IGF2BP1: variants seen among roughly 807,000 people sequenced by gnomAD.
The protein encoded by IGF2BP1 is insulin like growth factor 2 mRNA binding protein 1.
In IGF2BP1, 11 loss-of-function variants were observed where a neutral mutation model predicts 74.9. That is an observed-to-expected ratio of 0.15 (90% CI 0.09 to 0.24). The LOEUF is 0.24. Ranked by LOEUF, IGF2BP1 falls within the 10% of genes least tolerant of loss-of-function variation. IGF2BP1 has a pLI of 1.00. For missense variants in IGF2BP1, 440 were observed against 757.4 expected (o/e 0.58, Z 4.92); for synonymous variants, 287 against 281.8 (o/e 1.02, Z -0.18).
In IGF2BP1 at chr17:49,024,927, C is replaced by T. The variant is rs182253793; in HGVS notation, c.237-691C>T. On this transcript the variant is annotated intron_variant, in intron 2 of 14. Transcript: ENST00000290341. ...ATGTCTTGGGCCGGGTGTTGTGGCT[C>T]ATGCCTGTAATCCCTGCATTTTGGG... Among the ~76,000 whole-genome samples the T allele has an allele frequency of 1.6e-3, 237 of 152,304 alleles. 2 individuals carry two copies. Among genetic ancestry groups the T allele is most frequent in the African/African-American group, 5.5e-3 (228 of 41,570 alleles).
In IGF2BP1 at chr17:49,014,916, T is replaced by C; in HGVS notation, c.237-10702T>C. ...GCTCCTGAGAGGGCCACCTCGGCTG[T>C]TCCCTCTGGAGGACAGAGCCCGACT... On this transcript the variant is annotated intron_variant, in intron 2 of 14. Transcript: ENST00000290341. 3 of 985,304 alleles carry C rather than the reference T, an allele frequency of 3.0e-6. No homozygotes were observed. In the African/African-American group the frequency reaches 5.2e-5, roughly 17 times the overall value. The allele number at this position is 985,304 out of a possible 1,614,324, so 61.0% of individuals were successfully genotyped here. A position where few individuals can be genotyped will look rare whatever the true frequency, so the allele number is the denominator to read the frequency against.
intron 14 of IGF2BP1, 133 bp downstream of exon 14, chr17:49,046,506 C>T: frequency 1.6e-6 from 1 of 643,418 alleles, no homozygotes; most frequent in South Asian, 1.9e-5. Flanking sequence ...TGCCTCTAGG[C>T]TAGGTTATTG....
In IGF2BP1 at chr17:49,052,973, G is replaced by A. The variant is rs2042184644; in HGVS notation, c.*3529G>A. ...TGCATCTGCCAGTTACACCCCAAATGGCTTTAATCCCCTCTCGGGTCTGGT... is the reference window on the plus strand; with the variant it reads ...TGCATCTGCCAGTTACACCCCAAATAGCTTTAATCCCCTCTCGGGTCTGGT... On this transcript the variant is annotated 3_prime_UTR_variant, in exon 15 of 15. Coordinates refer to ENST00000290341, the MANE Select transcript of IGF2BP1 (RefSeq NM_006546.4). The A allele has an allele frequency of 6.6e-6, 1 of 152,220 alleles. No homozygotes were observed. The highest frequency in any genetic ancestry group is 2.4e-5 in the African/African-American group (1 of 41,444). 9.4% of individuals were successfully genotyped at this position (152,220 alleles called of 1,614,324 possible).
At chr17:49,007,462 C>G (rs1227235130) in intron 2 of IGF2BP1, among the ~76,000 whole-genome samples, 1 of 152,242 alleles carries the variant, frequency 6.6e-6, no homozygotes, top group Non-Finnish European at 1.5e-5. Context: ...CATACACACA[C>G]GTCCATAGCC....
chr17:49,044,129 G>T, intron 11 of IGF2BP1, 43 bp downstream of exon 11: 1 of 1,606,034 alleles, frequency 6.2e-7, no homozygotes. Context: ...AAAGGGAGGG[G>T]TCTCTGCTTT....
rs1567832654 is a variant in IGF2BP1, at chr17:49,053,253, G to C, written c.*3809G>C. On this transcript the variant is annotated 3_prime_UTR_variant, in exon 15 of 15. Transcript: ENST00000290341. Reference sequence around the variant, plus strand: ...AACACTGGAGGGGGATGCTCTAGTTGGTTCTGTGTCCATTTTCCTCTGTGC... The same window carrying C: ...AACACTGGAGGGGGATGCTCTAGTTCGTTCTGTGTCCATTTTCCTCTGTGC... 1 of 152,626 alleles carries C rather than the reference G, an allele frequency of 6.6e-6. No individual in the cohort carries two copies. Among genetic ancestry groups the C allele is most frequent in the East Asian group, 1.9e-4 (1 of 5,184 alleles). The allele number at this position is 152,626 out of a possible 1,614,324, so 9.5% of individuals were successfully genotyped here.
intron 2 of IGF2BP1, among the ~76,000 whole-genome samples, chr17:49,000,871 C>T (rs1389013461): frequency 6.6e-6 from 1 of 151,492 alleles, no homozygotes; most frequent in East Asian, 1.9e-4. Flanking sequence ...GCCCTTTTTC[C>T]CTCCAAAATG....
At chr17:48,999,846 G>C (rs1325659643) in intron 2 of IGF2BP1, among the ~76,000 whole-genome samples, 1 of 151,648 alleles carries the variant, frequency 6.6e-6, no homozygotes. Context: ...GTTACCAGGG[G>C]ACCATCTGGG....
At chr17:49,031,748 C>T (rs1359444606) in intron 4 of IGF2BP1, among the ~76,000 whole-genome samples, 162 bp from the exon 5 acceptor site, 18 of 152,032 alleles carry the variant, frequency 1.2e-4, no homozygotes, top group East Asian at 7.7e-4. Flanking sequence ...GTGATCCGCC[C>T]GCCTCGCCCT....
intron 4 of IGF2BP1, among the ~76,000 whole-genome samples, chr17:49,027,945 C>T (rs1448032810): frequency 6.7e-6 from 1 of 149,154 alleles, no homozygotes; most frequent in African/African-American, 2.5e-5. Flanking sequence ...CCAAGGTGGG[C>T]AGATCTCTTG....
intron 2 of IGF2BP1, among the ~76,000 whole-genome samples, chr17:49,006,621 A>G (rs559190559): frequency 6.6e-6 from 1 of 152,294 alleles, no homozygotes; most frequent in South Asian, 2.1e-4. Flanking sequence ...GAACTGATCA[A>G]GTGTACAGAT....
chr17:49,040,586 CGTGCCTGCATGTACGGATATGT>C (rs2042040177), intron 7 of IGF2BP1, among the ~76,000 whole-genome samples: 2 of 152,318 alleles, frequency 1.3e-5, no homozygotes, highest in African/African-American at 4.8e-5. Context: ...ATTGTGTCTG[CGTGCCTGCATGTACGGATATGT>C]GTGCCTGTGT....
Position 49,045,078 on chromosome 17 carries a change from ATTG to A in IGF2BP1, c.1395+16_1395+18del, listed in dbSNP as rs1369795919. On this transcript the variant is annotated intron_variant, in intron 12 of 14. Transcript: ENST00000290341. ...GGCCCAATTCAAGGTTTTGGTCTTT[ATTG>A]TTTTCCAAGCTGAACATGGAGGAAT... 6.2e-7 allele frequency: 1 copy of A among 1,610,826 alleles called. No homozygotes were observed. The highest frequency in any genetic ancestry group is 8.5e-7 in the Non-Finnish European group (1 of 1,177,146).
rs2042188442 is a variant in IGF2BP1, at chr17:49,053,265, A to G, written c.*3821A>G. 6.6e-6 allele frequency: 1 copy of G among 152,582 alleles called. No homozygotes were observed. Among genetic ancestry groups the G allele is most frequent in the African/African-American group, 2.4e-5 (1 of 41,394 alleles). 9.5% of individuals were successfully genotyped at this position (152,582 alleles called of 1,614,324 possible). On this transcript the variant is annotated 3_prime_UTR_variant, in exon 15 of 15. Coordinates refer to ENST00000290341, the MANE Select transcript of IGF2BP1 (RefSeq NM_006546.4). ...GGATGCTCTAGTTGGTTCTGTGTCC[A>G]TTTTCCTCTGTGCCAAAGACAGACA...
At chr17:49,024,657 C>G (rs1456316460) in intron 2 of IGF2BP1, among the ~76,000 whole-genome samples, 1 of 152,182 alleles carries the variant, frequency 6.6e-6, no homozygotes, top group Non-Finnish European at 1.5e-5. Flanking sequence ...AGAGGTTAAA[C>G]AATCTTGTAA....
chr17:49,001,003 G>A (rs2041482657), intron 2 of IGF2BP1, among the ~76,000 whole-genome samples: 1 of 150,398 alleles, frequency 6.6e-6, no homozygotes, highest in Admixed American at 6.6e-5. Flanking sequence ...TCCCCTTCCT[G>A]AAATAATTTT....
intron 2 of IGF2BP1, among the ~76,000 whole-genome samples, chr17:49,016,624 T>A (rs972382014): frequency 7.9e-5 from 12 of 152,152 alleles, no homozygotes; most frequent in Non-Finnish European, 1.5e-4. Flanking sequence ...AAGACCTTGC[T>A]CACAGGGTGA....
At chr17:49,028,782 A>C (rs1236870683) in intron 4 of IGF2BP1, among the ~76,000 whole-genome samples, 1 of 152,102 alleles carries the variant, frequency 6.6e-6, no homozygotes, top group Non-Finnish European at 1.5e-5. Context: ...CATTCTTTCT[A>C]CCTATCCCAT....
intron 2 of IGF2BP1, 39 bp downstream of exon 2, chr17:48,999,208 C>T (rs1299166665): frequency 1.1e-6 from 1 of 906,326 alleles, no homozygotes; most frequent in Non-Finnish European, 1.7e-6. Flanking sequence ...GGGGGGGCCG[C>T]GGGGGTGTGC....
Sources: allele counts gnomAD v4.1 joint callset (sites outside exome capture counted in the v4.1 genomes callset), GRCh38; gene constraint gnomAD v4.1.1; transcripts MANE v1.5; gene names NCBI Gene and HGNC (gene_info 2026-07-23, HGNC 2026-07-21).